The following ADCY3 variants were observed in gnomAD, a reference collection of about 807,000 sequenced individuals.
ADCY3 encodes adenylate cyclase type 3.
Under a neutral mutation model 119.4 loss-of-function variants are expected in ADCY3, and 70 were observed. The observed-to-expected ratio is 0.59, with a 90% confidence interval of 0.48 to 0.72. ADCY3 has a LOEUF of 0.72. ADCY3 is among the 30% of genes least tolerant of loss of function. The pLI, the probability that ADCY3 is intolerant of heterozygous loss-of-function variation, is 0.00. For missense variants in ADCY3, 1,238 were observed against 1,541.6 expected (o/e 0.80, Z 3.30); for synonymous variants, 672 against 621.4 (o/e 1.08, Z -1.21).
intron 8 of ADCY3, among the ~76,000 whole-genome samples, chr2:24,837,919 A>G (rs1670500410): frequency 6.6e-6 from 1 of 152,036 alleles, no homozygotes; most frequent in Non-Finnish European, 1.5e-5. Flanking sequence ...GGCCCGAGAC[A>G]ATTCTTCTTC....
At position 24,878,853 on chromosome 2, in the gene ADCY3, C is replaced by T. The variant is rs1447809509; in HGVS notation, c.676-6134G>A. On this transcript the variant is annotated intron_variant, in intron 2 of 21. Coordinates refer to ENST00000679454, the MANE Select transcript of ADCY3 (RefSeq NM_004036.5). The surrounding 1 kb of genome is among the most constrained non-coding windows in gnomAD (Gnocchi z 4.0). ...GAGGCCTTCCCTGCCCACCCCTACTCATTCTCCAGTCCTGCTTTGAGGCCC... is the reference window on the plus strand; with the variant it reads ...GAGGCCTTCCCTGCCCACCCCTACTTATTCTCCAGTCCTGCTTTGAGGCCC... Among the ~76,000 whole-genome samples the T allele has an allele frequency of 6.6e-6, 1 of 152,224 alleles. No individual in the cohort carries two copies. Among genetic ancestry groups the T allele is most frequent in the Non-Finnish European group, 1.5e-5 (1 of 68,044 alleles).
rs183997568 is a variant in ADCY3, at chr2:24,830,617, G to C, written c.2172+92C>G. 5.5e-4 allele frequency: 505 copies of C among 917,962 alleles called. 2 individuals are homozygous for C. The African/African-American group carries it at 7.3e-3, about 13-fold the overall frequency. 56.9% of individuals were successfully genotyped at this position (917,962 alleles called of 1,614,324 possible). A position where few individuals can be genotyped will look rare whatever the true frequency, so the allele number is the denominator to read the frequency against. On this transcript the variant is annotated intron_variant, in intron 13 of 21. Transcript: ENST00000679454. ...CTCCAAAGCTACATGACGGTGGAGG[G>C]ATGGACTGAGAAACTGCTTGTGTGA...
intron 2 of ADCY3, among the ~76,000 whole-genome samples, chr2:24,892,389 C>T (rs1677766481): frequency 6.6e-6 from 1 of 152,110 alleles, no homozygotes; most frequent in African/African-American, 2.4e-5. Context: ...GCTGGGATTA[C>T]AGGCGCTTGC....
At position 24,819,737 on chromosome 2, in the gene ADCY3, G is replaced by T. The variant is rs1458060860; in HGVS notation, c.*195C>A. 9.9e-6 allele frequency: 6 copies of T among 605,968 alleles called. No homozygotes were observed. The highest frequency in any genetic ancestry group is 1.9e-5 in the African/African-American group (1 of 52,902). The allele number at this position is 605,968 out of a possible 1,614,324, so 37.5% of individuals were successfully genotyped here. A position where few individuals can be genotyped will look rare whatever the true frequency, so the allele number is the denominator to read the frequency against. On this transcript the variant is annotated 3_prime_UTR_variant, in exon 22 of 22. Coordinates refer to ENST00000679454, the MANE Select transcript of ADCY3 (RefSeq NM_004036.5). Reference sequence around the variant, plus strand: ...CCCTATGCCTAAGACCCCTATGCTGGGGACACTACAGGCACACACAGGAAT... The same window carrying T: ...CCCTATGCCTAAGACCCCTATGCTGTGGACACTACAGGCACACACAGGAAT...
At chr2:24,908,637 C>A (rs1663194103) in intron 2 of ADCY3, among the ~76,000 whole-genome samples, 1 of 152,164 alleles carries the variant, frequency 6.6e-6, no homozygotes, top group Non-Finnish European at 1.5e-5. Flanking sequence ...CCTCCCCCAA[C>A]CAGGTAACAC....
Position 24,898,456 on chromosome 2 carries a change from A to C in ADCY3, c.675+19857T>G, listed in dbSNP as rs979413695. On this transcript the variant is annotated intron_variant, in intron 2 of 21. Transcript: ENST00000679454. The surrounding 1 kb of genome is among the most constrained non-coding windows in gnomAD (Gnocchi z 4.3). ...GAGAGGGGCTTCGTGTACTTCACAC[A>C]GTGCTTCATGAAGGGGTGAGTCAGG... Among the ~76,000 whole-genome samples the C allele has an allele frequency of 1.3e-5, 2 of 152,134 alleles. No homozygotes were observed. The highest frequency in any genetic ancestry group is 4.8e-5 in the African/African-American group (2 of 41,434).
At chr2:24,908,374 A>T (rs908542578) in intron 2 of ADCY3, among the ~76,000 whole-genome samples, 3 of 152,244 alleles carry the variant, frequency 2.0e-5, no homozygotes, top group Non-Finnish European at 4.4e-5. Context: ...GAAAAGGAAT[A>T]GTACAATATT....
At chr2:24,845,983 C>A (rs1383423532) in intron 3 of ADCY3, among the ~76,000 whole-genome samples, 1 of 152,230 alleles carries the variant, frequency 6.6e-6, no homozygotes, top group African/African-American at 2.4e-5. Flanking sequence ...TGGTGGTAAG[C>A]CTGTGGGCAC....
At chr2:24,884,803 C>T (rs1676839888) in intron 2 of ADCY3, among the ~76,000 whole-genome samples, 1 of 150,964 alleles carries the variant, frequency 6.6e-6, no homozygotes, top group South Asian at 2.1e-4. Flanking sequence ...CTTCTGATCC[C>T]TGGTTCACCC....
At chr2:24,830,118 G>A (rs575134265) in intron 13 of ADCY3, among the ~76,000 whole-genome samples, 1 of 146,706 alleles carries the variant, frequency 6.8e-6, no homozygotes, top group South Asian at 2.2e-4. Flanking sequence ...TCGGCTCACT[G>A]CAACCTCCGC....
rs529229449 is a variant in ADCY3, at chr2:24,824,530, T to G, written c.2584A>C (p.Lys862Gln). ...SFYYFSRHVE[K>Q]LARTLFLWKI... Reference sequence around the variant, plus strand: ...CACAAGAAAAGTGTCCGTGCCAGTTTTTCTACCTACAGACACAGACAAGGC... The same window carrying G: ...CACAAGAAAAGTGTCCGTGCCAGTTGTTCTACCTACAGACACAGACAAGGC... The change falls in exon 17 of 22, where the codon AAA becomes CAA. Residue 862 changes from lysine to glutamine, a missense_variant. Coordinates refer to ENST00000679454, the MANE Select transcript of ADCY3 (RefSeq NM_004036.5). The G allele has an allele frequency of 5.6e-6, 9 of 1,614,026 alleles. No homozygotes were observed. Among genetic ancestry groups the G allele is most frequent in the Non-Finnish European group, 7.6e-6 (9 of 1,179,974 alleles).
chr2:24,822,728 C>T, intron 18 of ADCY3, 98 bp from the exon 19 acceptor site: 1 of 1,472,366 alleles, frequency 6.8e-7, no homozygotes, highest in Non-Finnish European at 9.2e-7. Context: ...CCCACTAAAC[C>T]CAAGAGACAC....
intron 3 of ADCY3, among the ~76,000 whole-genome samples, chr2:24,868,042 A>G (rs1041735096): frequency 6.6e-6 from 1 of 152,194 alleles, no homozygotes; most frequent in Non-Finnish European, 1.5e-5. Context: ...CAGAATATAC[A>G]TTATTCTCAA....
Position 24,831,231 on chromosome 2 carries a change from A to T in ADCY3, c.2056-406T>A, listed in dbSNP as rs74520957. Among the ~76,000 whole-genome samples, 123 of 23,396 alleles carry T rather than the reference A, an allele frequency of 5.3e-3. 2 individuals carry two copies. The South Asian group carries it at 0.16, about 30-fold the overall frequency. 15.3% of individuals were successfully genotyped at this position (23,396 alleles called of 152,430 possible). A position where few individuals can be genotyped will look rare whatever the true frequency, so the allele number is the denominator to read the frequency against. On this transcript the variant is annotated intron_variant, in intron 12 of 21. Transcript: ENST00000679454. The stretch of plus-strand genomic sequence containing the variant: ...CTGCTTTACCTTTGTCATTCTGATT[A>T]AAAAAAAAAAAAACTCTGCTTGGTA...
intron 6 of ADCY3, chr2:24,840,399 G>A (rs1172917122): frequency 2.0e-5 from 8 of 395,260 alleles, no homozygotes; most frequent in African/African-American, 1.4e-4. Context: ...GAAAATAGCC[G>A]TGAACAGCCC....
At chr2:24,854,952 A>G (rs1347672544) in intron 3 of ADCY3, among the ~76,000 whole-genome samples, 2 of 152,190 alleles carry the variant, frequency 1.3e-5, no homozygotes, top group Non-Finnish European at 2.9e-5. Context: ...CAGGAGGCTG[A>G]AACACGAGAA....
At chr2:24,867,251 G>C (rs1195825038) in intron 3 of ADCY3, among the ~76,000 whole-genome samples, 1 of 152,246 alleles carries the variant, frequency 6.6e-6, no homozygotes, top group Non-Finnish European at 1.5e-5. Flanking sequence ...AAGCGGGAAG[G>C]ATAGTGAAAT....
At chr2:24,820,500 A>G (rs1246743233) in intron 21 of ADCY3, 4 of 1,405,110 alleles carry the variant, frequency 2.8e-6, no homozygotes, top group Non-Finnish European at 2.8e-6. Flanking sequence ...AAGGTAGGCC[A>G]TATGCATCTA....
chr2:24,827,718 C>A, intron 14 of ADCY3, 110 bp from the exon 15 acceptor site: 3 of 1,432,738 alleles, frequency 2.1e-6, no homozygotes, highest in Non-Finnish European at 2.9e-6. Context: ...TGGGAAGAAT[C>A]TATTCTCAGG....
Sources: gnomAD v4.1 joint callset for allele counts (sites outside exome capture counted in the v4.1 genomes callset) on GRCh38, gnomAD v4.1.1 for gene constraint, Gnocchi (gnomAD v3.1) non-coding constraint, MANE v1.5 for transcripts, NCBI Gene and HGNC (gene_info 2026-07-23, HGNC 2026-07-21) for gene names.